Variants in TMTC1 observed in about 807,000 individuals in gnomAD.
The protein encoded by TMTC1 is transmembrane O-mannosyltransferase targeting cadherins 1.
TMTC1 carries 73 observed loss-of-function variants against 104.8 expected under a neutral mutation model. The ratio of observed to expected loss-of-function variants is 0.70; its 90% CI spans 0.58 to 0.85. The LOEUF (loss-of-function observed/expected upper bound fraction) is 0.85, where lower values mean the gene tolerates loss of function less well. TMTC1 is among the 40% of genes least tolerant of loss of function. The probability of loss-of-function intolerance (pLI) is 0.00; values close to 1 mark genes in which losing one functional copy is unlikely to be tolerated. For synonymous variants in TMTC1, 434 were observed against 428.7 expected, an observed-to-expected ratio of 1.01 and a Z score of -0.15; for missense variants, 1,035 against 1,096.1, an observed-to-expected ratio of 0.94 and a Z score of 0.79.
chr12:29,741,948 T>C (rs1942837747), intron 5 of TMTC1, among the ~76,000 whole-genome samples: 1 of 152,096 alleles, frequency 6.6e-6, no homozygotes, highest in African/African-American at 2.4e-5. Context: ...CAAACTGAAG[T>C]TTTATAATGA....
chr12:29,530,413 C>G (rs1343039602), intron 11 of TMTC1, among the ~76,000 whole-genome samples: 1 of 152,178 alleles, frequency 6.6e-6, no homozygotes, highest in African/African-American at 2.4e-5. Context: ...AACTGACCAG[C>G]ATTTCTTCCT....
intron 3 of TMTC1, among the ~76,000 whole-genome samples, chr12:29,757,281 C>G (rs1246017979): frequency 6.6e-6 from 1 of 152,316 alleles, no homozygotes; most frequent in Non-Finnish European, 1.5e-5. Flanking sequence ...CATAGCCCCA[C>G]TGGCATTTTC....
At chr12:29,714,259 C>A (rs570683792) in intron 5 of TMTC1, among the ~76,000 whole-genome samples, 13 of 152,326 alleles carry the variant, frequency 8.5e-5, no homozygotes, top group South Asian at 8.3e-4. Flanking sequence ...GCGCAGCTTG[C>A]AATTCAAACA....
intron 5 of TMTC1, among the ~76,000 whole-genome samples, chr12:29,691,978 TA>T (rs1474249888): frequency 6.9e-6 from 1 of 145,126 alleles, no homozygotes; most frequent in Non-Finnish European, 1.5e-5. Flanking sequence ...GTTCTCTTTG[TA>T]GAGACTAGAC....
At chr12:29,751,066 C>T (rs2136970454) in intron 5 of TMTC1, among the ~76,000 whole-genome samples, 1 of 152,336 alleles carries the variant, frequency 6.6e-6, no homozygotes, top group South Asian at 2.1e-4. Flanking sequence ...TATCTTTTAA[C>T]ATATATCTGT....
intron 5 of TMTC1, among the ~76,000 whole-genome samples, chr12:29,744,761 A>T (rs547052722): frequency 6.6e-6 from 1 of 152,252 alleles, no homozygotes. Flanking sequence ...ATATTTGAAA[A>T]AAAGCTACTT....
chr12:29,660,098 G>A (rs966925961), intron 5 of TMTC1: 9 of 794,134 alleles, frequency 1.1e-5, no homozygotes, highest in Non-Finnish European at 1.8e-5. Flanking sequence ...CCTTAAATCT[G>A]AGTTAGTCTT....
At chr12:29,660,775 A>ATT in intron 5 of TMTC1, 1 of 812,550 alleles carries the variant, frequency 1.2e-6, no homozygotes. Context: ...ATATTTCAAA[A>ATT]GTATATATAT....
chr12:29,709,016 A>G (rs1941828627), intron 5 of TMTC1, among the ~76,000 whole-genome samples: 1 of 152,228 alleles, frequency 6.6e-6, no homozygotes. Context: ...AAAAATCACC[A>G]AGAAAGGATA....
intron 11 of TMTC1, among the ~76,000 whole-genome samples, chr12:29,528,347 G>A (rs1028296312): frequency 1.4e-4 from 22 of 152,196 alleles, no homozygotes; most frequent in Admixed American, 4.6e-4. Flanking sequence ...TATTAATACC[G>A]TCTGCTGTAC....
At position 29,506,881 on chromosome 12, in the gene TMTC1, G is replaced by A. The variant is rs749529300; in HGVS notation, c.2614C>T (p.Arg872Ter). 5.6e-6 allele frequency: 9 copies of A among 1,613,954 alleles called. No homozygotes were observed. The highest frequency in any genetic ancestry group is 4.5e-5 in the East Asian group (2 of 44,874). The change falls in exon 18 of 18, where the codon CGA becomes TGA. Residue 872 changes from arginine to a stop codon, truncating the protein, a stop_gained. Coordinates refer to ENST00000539277, the MANE Select transcript of TMTC1 (RefSeq NM_001193451.2). LOFTEE classifies it high-confidence loss of function. ...TCCTTTTCTCGAACTTCTTGTAATC[G>A]TTTTTCTAGGCGATCCAATTTGGCA... Reference protein sequence around the residue: ...NLAKLDRLEKRLQEVREKDQT With the variant: ...NLAKLDRLEK
intron 5 of TMTC1, among the ~76,000 whole-genome samples, chr12:29,643,230 T>A (rs977424263): frequency 6.6e-6 from 1 of 151,692 alleles, no homozygotes; most frequent in African/African-American, 2.4e-5. Flanking sequence ...TGGAAAACAA[T>A]GTGGAGATTC....
intron 1 of TMTC1, among the ~76,000 whole-genome samples, chr12:29,776,783 C>T (rs181815871): frequency 3.7e-4 from 57 of 152,226 alleles, no homozygotes; most frequent in African/African-American, 1.3e-3. Flanking sequence ...GGAAGGCCTC[C>T]GGGATGAAGT....
At chr12:29,529,262 C>A (rs1335138602) in intron 11 of TMTC1, among the ~76,000 whole-genome samples, 1 of 152,052 alleles carries the variant, frequency 6.6e-6, no homozygotes, top group Non-Finnish European at 1.5e-5. Flanking sequence ...CAACAATTAG[C>A]AAACAGATTA....
At chr12:29,647,307 A>G (rs1241057306) in intron 5 of TMTC1, among the ~76,000 whole-genome samples, 1 of 152,210 alleles carries the variant, frequency 6.6e-6, no homozygotes, top group Non-Finnish European at 1.5e-5. Flanking sequence ...GGCATGAGCC[A>G]CTATGCCCTG....
At chr12:29,688,472 T>C (rs115869289) in intron 5 of TMTC1, among the ~76,000 whole-genome samples, 425 of 152,274 alleles carry the variant, frequency 2.8e-3, no homozygotes, top group African/African-American at 9.7e-3. Flanking sequence ...CTGCAATATG[T>C]CAATCCCCTA....
chr12:29,706,841 G>C (rs1941759465), intron 5 of TMTC1, among the ~76,000 whole-genome samples: 1 of 152,134 alleles, frequency 6.6e-6, no homozygotes, highest in African/African-American at 2.4e-5. Context: ...GGTGATGAAG[G>C]ATTTGGTTGG....
intron 5 of TMTC1, among the ~76,000 whole-genome samples, chr12:29,713,520 T>A (rs2136851162): frequency 6.6e-6 from 1 of 152,222 alleles, no homozygotes; most frequent in Non-Finnish European, 1.5e-5. Flanking sequence ...TACATAAATT[T>A]GCAAAATGTT....
chr12:29,726,945 C>G (rs1373512751), intron 5 of TMTC1, among the ~76,000 whole-genome samples: 1 of 152,214 alleles, frequency 6.6e-6, no homozygotes, highest in Non-Finnish European at 1.5e-5. Context: ...GAAAACAGGA[C>G]AGCTAACAAC....
Sources: gnomAD v4.1 joint callset for allele counts (sites outside exome capture counted in the v4.1 genomes callset) on GRCh38, gnomAD v4.1.1 for gene constraint, MANE v1.5 for transcripts, NCBI Gene and HGNC (gene_info 2026-07-23, HGNC 2026-07-21) for gene names.